The following VPS13C variants were observed in gnomAD, a reference collection of about 807,000 sequenced individuals.
VPS13C encodes vacuolar protein sorting 13 homolog C, also known as intermembrane lipid transfer protein VPS13C.
Under a neutral mutation model 456.8 loss-of-function variants are expected in VPS13C, and 358 were observed. The ratio of observed to expected loss-of-function variants is 0.78; its 90% CI spans 0.72 to 0.86. VPS13C has a LOEUF of 0.86. VPS13C is among the 40% of genes least tolerant of loss of function. The pLI, the probability that VPS13C is intolerant of heterozygous loss-of-function variation, is 0.00. For synonymous variants in VPS13C, 1,578 were observed against 1,486.7 expected (o/e 1.06, Z -1.41); for missense variants, 4,818 against 4,385.4 (o/e 1.10, Z -2.79).
intron 3 of VPS13C, among the ~76,000 whole-genome samples, chr15:62,037,366 A>ATAAATATTATATATATATTATAT (rs2048082601): frequency 1.1e-5 from 1 of 87,694 alleles, no homozygotes. Context: ...AAATGTATAT[A>ATAAATATTATATATATATTATAT]ATATATTATA....
chr15:62,007,356 G>C lies in VPS13C; in HGVS notation c.1242C>G (p.Asn414Lys), dbSNP rs748480444. ...CTGAGACTTTAGACTGTGTTAACTT[G>C]TTTTTGTAGGCAATTTTATAACTCT... ...LLKSYKIAYK[N>K]KLTQSKVSEE... is the part of the protein sequence containing the mutation. The change falls in exon 15 of 85, where the codon AAC (asparagine) becomes AAG (lysine). Residue 414 changes from asparagine to lysine, a missense_variant. Around this residue, in one of 3 missense-constraint regions of VPS13C, gnomAD observed 4,552 missense variants for 4,130.6 expected, o/e 1.10. Transcript: ENST00000644861. The C allele has an allele frequency of 1.9e-6, 3 of 1,612,324 alleles. No homozygotes were observed. In the East Asian group the frequency reaches 6.7e-5, roughly 36 times the overall value.
Position 61,919,348 on chromosome 15 carries a change from A to T in VPS13C, c.7579T>A (p.Leu2527Met), listed in dbSNP as rs748816851. 9 of 1,606,200 alleles carry T rather than the reference A, an allele frequency of 5.6e-6. No homozygotes were observed. The highest frequency in any genetic ancestry group is 6.8e-6 in the Non-Finnish European group (8 of 1,176,772). ...NPNASHSDSV[L>M]VQIDATEGNK... The stretch of plus-strand genomic sequence containing the variant: ...CCTTCAGTTGCATCAATTTGTACCA[A>T]GACAGAGTCAGAATGACTGGCATTG... Residue 2527 changes from leucine (L) to methionine (M), a missense_variant, in exon 58 of 85, where the codon TTG (leucine) becomes ATG (methionine). Leu to Met is a conservative substitution (Grantham distance 15). Transcript: ENST00000644861.
intron 1 of VPS13C, among the ~76,000 whole-genome samples, chr15:62,044,510 T>C (rs1021058478): frequency 6.6e-6 from 1 of 152,038 alleles, no homozygotes; most frequent in African/African-American, 2.4e-5. Context: ...AAACAAACAA[T>C]GGGAAAGAAG....
Position 61,858,322 on chromosome 15 carries a change from CTATCT to C in VPS13C, c.10953-1918_10953-1914del, listed in dbSNP as rs1894034229. On this transcript the variant is annotated intron_variant, in intron 82 of 84. Transcript: ENST00000644861. The surrounding 1 kb of genome is among the most constrained non-coding windows in gnomAD (Gnocchi z 4.4). ...AGATTTTTATCCAAACTCCAACTATCTATCTATCTATCTATCTATCTATCTATCTA... is the reference window on the plus strand; with the variant it reads ...AGATTTTTATCCAAACTCCAACTATCATCTATCTATCTATCTATCTATCTA... Among the ~76,000 whole-genome samples, 3 of 16,612 alleles carry C rather than the reference CTATCT, an allele frequency of 1.8e-4. No individual in the cohort carries two copies. Among genetic ancestry groups the C allele is most frequent in the African/African-American group, 3.8e-4 (3 of 7,908 alleles). 10.9% of individuals were successfully genotyped at this position (16,612 alleles called of 152,430 possible).
At chr15:61,954,328 A>G in intron 38 of VPS13C, 93 bp downstream of exon 38, 1 of 1,389,472 alleles carries the variant, frequency 7.2e-7, no homozygotes, top group Non-Finnish European at 9.8e-7. Context: ...GATTTTTTTC[A>G]TCAGTATCAA....
At chr15:62,014,758 T>C (rs1026570238) in intron 9 of VPS13C, among the ~76,000 whole-genome samples, 3 of 152,134 alleles carry the variant, frequency 2.0e-5, no homozygotes, top group African/African-American at 7.2e-5. Flanking sequence ...AGTGAATGAA[T>C]GTGGTTTTGA....
chr15:61,881,001 T>C, intron 71 of VPS13C, 47 bp from the exon 72 acceptor site: 2 of 1,458,848 alleles, frequency 1.4e-6, no homozygotes, highest in African/African-American at 1.4e-5. Context: ...CCAAATCTTT[T>C]AATTTTCAAT....
chr15:62,046,895 T>A (rs561446214), intron 1 of VPS13C, among the ~76,000 whole-genome samples: 2 of 152,282 alleles, frequency 1.3e-5, no homozygotes, highest in East Asian at 3.9e-4. Context: ...AAAAAGAGAT[T>A]GTACTTATTA....
chr15:62,023,486 C>T lies in VPS13C; in HGVS notation c.549G>A (p.Val183=), dbSNP rs2047533489. The T allele has an allele frequency of 1.3e-6, 2 of 1,580,912 alleles. No homozygotes were observed. Among genetic ancestry groups the T allele is most frequent in the Non-Finnish European group, 1.7e-6 (2 of 1,166,232 alleles). Residue 183 remains valine, a synonymous_variant, in exon 8 of 85, where the codon GTG becomes GTA. Transcript: ENST00000644861. ...TTATTACTTGAGTTGCCAATTTTTC[C>T]ACAAATGTATCCTTTTTGGCTTCTT... ...KPKEAKKDTF[V]EKLATQVIKN...
At chr15:61,857,504 G>A (rs1439912423) in intron 82 of VPS13C, among the ~76,000 whole-genome samples, 2 of 150,288 alleles carry the variant, frequency 1.3e-5, no homozygotes, top group Non-Finnish European at 3.0e-5. Flanking sequence ...TAGATACCAT[G>A]GTGAAGCTGC....
Position 61,922,405 on chromosome 15 carries a change from T to C in VPS13C, c.6967A>G (p.Thr2323Ala), listed in dbSNP as rs1350937906. 4 of 1,612,558 alleles carry C rather than the reference T, an allele frequency of 2.5e-6. No individual in the cohort carries two copies. The East Asian group carries it at 8.9e-5, about 36-fold the overall frequency. The change falls in exon 54 of 85, where the codon ACA (threonine) becomes GCA (alanine). Residue 2323 changes from threonine (T) to alanine (A), a missense_variant. Around this residue, in one of 3 missense-constraint regions of VPS13C, gnomAD observed 4,552 missense variants for 4,130.6 expected, o/e 1.10. Coordinates refer to ENST00000644861, the MANE Select transcript of VPS13C (RefSeq NM_020821.3). ...TSLMAAVADV[T>A]LQVHYYNEIH... The stretch of plus-strand genomic sequence containing the variant: ...AAGTGATGTGGCCATACCTGTAGTG[T>C]CACGTCAGCAACAGCAGCCATTAGA...
intron 1 of VPS13C, among the ~76,000 whole-genome samples, chr15:62,046,193 C>CA (rs1309067484): frequency 6.6e-6 from 1 of 152,038 alleles, no homozygotes; most frequent in African/African-American, 2.4e-5. Flanking sequence ...AGAATACAGG[C>CA]AGTCAGGAAA....
intron 37 of VPS13C, among the ~76,000 whole-genome samples, chr15:61,956,931 T>A (rs1305233668): frequency 6.6e-6 from 1 of 152,106 alleles, no homozygotes; most frequent in African/African-American, 2.4e-5. Context: ...ATCTCACATA[T>A]GACCCAGTAA....
chr15:61,959,435 C>T lies in VPS13C; in HGVS notation c.4056+13G>A, dbSNP rs1442448797. The T allele has an allele frequency of 3.8e-6, 6 of 1,597,062 alleles. No individual in the cohort carries two copies. The highest frequency in any genetic ancestry group is 1.3e-5 in the African/African-American group (1 of 74,406). On this transcript the variant is annotated intron_variant, in intron 36 of 84. Transcript: ENST00000644861. ...TTTCAACAATGAAGTTTTTTCTTCACTCATATACTTACATTCATTGAATCA... is the reference window on the plus strand; with the variant it reads ...TTTCAACAATGAAGTTTTTTCTTCATTCATATACTTACATTCATTGAATCA...
At chr15:61,972,799 A>G in intron 26 of VPS13C, 35 bp from the exon 27 acceptor site, 1 of 1,569,744 alleles carries the variant, frequency 6.4e-7, no homozygotes, top group Non-Finnish European at 8.6e-7. Context: ...ATCTGAGACA[A>G]TGTACATTGA....
In VPS13C at chr15:61,990,389, CT is replaced by C. The variant is rs1196351526; in HGVS notation, c.1578+610del. On this transcript the variant is annotated intron_variant, in intron 18 of 84. Coordinates refer to ENST00000644861, the MANE Select transcript of VPS13C (RefSeq NM_020821.3). ...AGGCAGTACATTTTGGTTTTGCTTACTTTTTTATATATGTTATGCTTCACAA... is the reference window on the plus strand; with the variant it reads ...AGGCAGTACATTTTGGTTTTGCTTACTTTTTATATATGTTATGCTTCACAA... 2.0e-5 allele frequency among the ~76,000 whole-genome samples: 3 copies of C among 152,008 alleles called. No homozygotes were observed. In the East Asian group the frequency reaches 5.8e-4, roughly 29 times the overall value.
intron 6 of VPS13C, among the ~76,000 whole-genome samples, chr15:62,026,900 C>T (rs151120621): frequency 2.0e-3 from 310 of 152,234 alleles, no homozygotes; most frequent in African/African-American, 7.0e-3. Context: ...ACTACTACTA[C>T]AGTCTGGTGC....
In VPS13C at chr15:61,874,016, C is replaced by T. The variant is rs540673666; in HGVS notation, c.10415-607G>A. Among the ~76,000 whole-genome samples, 5 of 151,390 alleles carry T rather than the reference C, an allele frequency of 3.3e-5. No individual in the cohort carries two copies. The East Asian group carries it at 5.8e-4, about 18-fold the overall frequency. On this transcript the variant is annotated intron_variant, in intron 77 of 84. Transcript: ENST00000644861. ...CTCAGGCATTAAAAAAAATGAAAAC[C>T]GGTCATTCACAGCAACTTGGATGAG...
intron 66 of VPS13C, among the ~76,000 whole-genome samples, chr15:61,904,427 T>C (rs928747150): frequency 2.1e-5 from 3 of 140,066 alleles, no homozygotes; most frequent in Non-Finnish European, 4.6e-5. Flanking sequence ...ACCAGGGAAA[T>C]ACAAGTCAAA....
Sources: allele counts gnomAD v4.1 joint callset (sites outside exome capture counted in the v4.1 genomes callset), GRCh38; gene constraint gnomAD v4.1.1; regional missense constraint gnomAD v4.1.1; non-coding constraint Gnocchi (gnomAD v3.1); transcripts MANE v1.5; gene names NCBI Gene and HGNC (gene_info 2026-07-23, HGNC 2026-07-21).